The following TNRC6C variants were observed in gnomAD, a reference collection of about 807,000 sequenced individuals.
TNRC6C encodes the protein trinucleotide repeat-containing gene 6C protein.
TNRC6C carries 20 observed loss-of-function variants against 153.7 expected under a neutral mutation model. The ratio of observed to expected loss-of-function variants is 0.13; its 90% CI spans 0.09 to 0.19. The LOEUF is 0.19. TNRC6C is among the 10% of genes least tolerant of loss of function. TNRC6C has a pLI of 1.00. For missense variants in TNRC6C, 1,987 were observed against 2,172.0 expected (o/e 0.91, Z 1.69); for synonymous variants, 811 against 841.4 (o/e 0.96, Z 0.63).
Position 78,049,703 on chromosome 17 carries a change from T to TG in TNRC6C, c.646dup (p.Ala216GlyfsTer14). The stretch of plus-strand genomic sequence containing the variant: ...CCAAACTGGGGCATGGCTGTTGGTA[T>TG]GGGGGCCATCATCCCGCCCCACCTG... On this transcript the variant is annotated frameshift_variant, in exon 3 of 20. Transcript: ENST00000301624. LOFTEE classifies it high-confidence loss of function. The surrounding 1 kb of genome is among the most constrained non-coding windows in gnomAD (Gnocchi z 4.1). 6.2e-7 allele frequency: 1 copy of TG among 1,605,028 alleles called. No individual in the cohort carries two copies. Among genetic ancestry groups the TG allele is most frequent in the Non-Finnish European group, 8.5e-7 (1 of 1,173,992 alleles).
rs16970685 is a variant in TNRC6C at position 77,965,352 on chromosome 17, G to A, written c.-38+6084G>A. 2.1e-3 allele frequency among the ~76,000 whole-genome samples: 316 copies of A among 152,300 alleles called. 4 individuals are homozygous for A. The highest frequency in any genetic ancestry group is 6.9e-3 in the African/African-American group (287 of 41,564). ...TGACTGCCTTCTGAGCACTTTGTGT[G>A]TATGATCTCATTCATTTCTCCTCAG... On this transcript the variant is annotated intron_variant, in intron 1 of 22. Transcript: ENST00000636222.
chr17:77,994,343 C>T (rs1250717780), intron 1 of TNRC6C, among the ~76,000 whole-genome samples: 1 of 152,196 alleles, frequency 6.6e-6, no homozygotes, highest in Non-Finnish European at 1.5e-5. Flanking sequence ...ATGGTGGTAT[C>T]ATCTCTTTTT....
chr17:78,007,517 A>G (rs2071542643), intron 1 of TNRC6C, among the ~76,000 whole-genome samples: 1 of 152,198 alleles, frequency 6.6e-6, no homozygotes, highest in South Asian at 2.1e-4. Flanking sequence ...TACATGTTAT[A>G]GTACTAGTAT....
chr17:78,050,408 G>C, exon 3 of TNRC6C: 1 of 1,614,012 alleles, frequency 6.2e-7, no homozygotes. Flanking sequence ...AATACTGGTT[G>C]GGGACAGACT....
chr17:78,077,416 A>G (rs765678612), intron 9 of TNRC6C, 82 bp downstream of exon 11: 24 of 1,500,330 alleles, frequency 1.6e-5, no homozygotes, highest in Non-Finnish European at 2.1e-5. Context: ...AAACTTACTT[A>G]TTTATAGTTA....
chr17:78,072,426 A>G, intron 6 of TNRC6C, among the ~76,000 whole-genome samples: 1 of 152,378 alleles, frequency 6.6e-6, no homozygotes, highest in South Asian at 2.1e-4. Context: ...AGTGACTGAC[A>G]TAGTTGCTGG....
intron 1 of TNRC6C, among the ~76,000 whole-genome samples, chr17:77,966,722 T>C (rs1017837557): frequency 6.6e-6 from 1 of 152,198 alleles, no homozygotes; most frequent in Non-Finnish European, 1.5e-5. Context: ...TGATGAGCCA[T>C]GTAATAATAG....
At chr17:78,058,378 C>T (rs1319710136) in intron 3 of TNRC6C, among the ~76,000 whole-genome samples, 1 of 152,198 alleles carries the variant, frequency 6.6e-6, no homozygotes, top group Non-Finnish European at 1.5e-5. Context: ...AACCAACTTG[C>T]AGACACACAA....
Position 78,049,016 on chromosome 17 carries a change from C to G in TNRC6C, c.-47C>G, listed in dbSNP as rs1482204114. On this transcript the variant is annotated 5_prime_UTR_variant, in exon 3 of 20. Transcript: ENST00000301624. The surrounding 1 kb of genome is among the most constrained non-coding windows in gnomAD (Gnocchi z 4.1). ...GAGACTGAATCTGCCTCAGAATGTA[C>G]TACAGACACTGACTCTGCCTCCAAC... 6.8e-7 allele frequency: 1 copy of G among 1,460,990 alleles called. No individual in the cohort carries two copies. 90.5% of individuals were successfully genotyped at this position (1,460,990 alleles called of 1,614,324 possible). A position where few individuals can be genotyped will look rare whatever the true frequency, so the allele number is the denominator to read the frequency against.
chr17:77,965,219 A>G (rs988545660), intron 1 of TNRC6C, among the ~76,000 whole-genome samples: 1 of 152,216 alleles, frequency 6.6e-6, no homozygotes, highest in Admixed American at 6.5e-5. Context: ...TTTAAACTCA[A>G]TACACTTCAA....
exon 14 of TNRC6C, chr17:78,091,449 A>T: frequency 6.3e-7 from 1 of 1,594,216 alleles, no homozygotes; most frequent in Non-Finnish European, 8.5e-7. Flanking sequence ...GCTGGACTGA[A>T]CCCAAACATG....
At chr17:78,077,155 A>C (rs773074224) in intron 8 of TNRC6C, 30 bp from the exon 11 acceptor site, 2 of 1,590,468 alleles carry the variant, frequency 1.3e-6, no homozygotes, top group East Asian at 4.5e-5. Context: ...TGGACACTGC[A>C]CACAGCTCAC....
intron 1 of TNRC6C, among the ~76,000 whole-genome samples, chr17:78,028,963 C>G (rs546805113): frequency 6.6e-6 from 1 of 152,178 alleles, no homozygotes; most frequent in Non-Finnish European, 1.5e-5. Context: ...AATTACTACT[C>G]GAATCACTGT....
At chr17:78,013,391 A>G (rs1427990907) in intron 1 of TNRC6C, among the ~76,000 whole-genome samples, 1 of 152,220 alleles carries the variant, frequency 6.6e-6, no homozygotes, top group East Asian at 1.9e-4. Flanking sequence ...CCAGCTTACT[A>G]GCTAAGTGGC....
chr17:78,072,960 G>T, intron 6 of TNRC6C, 77 bp from the exon 9 acceptor site: 1 of 1,055,316 alleles, frequency 9.5e-7, no homozygotes, highest in South Asian at 1.4e-5. Flanking sequence ...TCTTTAAGTT[G>T]ATAGTGATTA....
rs539662994 is a variant in TNRC6C at position 77,995,196 on chromosome 17, C to T, written c.-37-8974C>T. 2.0e-5 allele frequency among the ~76,000 whole-genome samples: 3 copies of T among 152,350 alleles called. No individual in the cohort carries two copies. In the South Asian group the frequency reaches 6.2e-4, roughly 32 times the overall value. ...GGAACATCCAGTGAGAGATCACAGC[C>T]ATGGCTCACGGGGTGGCAGAGAAGT... On this transcript the variant is annotated intron_variant, in intron 1 of 22. Coordinates refer to the TNRC6C transcript ENST00000636222.
At chr17:77,972,368 T>G (rs2070946360) in intron 1 of TNRC6C, among the ~76,000 whole-genome samples, 1 of 151,930 alleles carries the variant, frequency 6.6e-6, no homozygotes, top group Non-Finnish European at 1.5e-5. Context: ...AAAAATTAGC[T>G]GGGCATGATG....
At chr17:78,064,608 C>G (rs2072835303) in intron 3 of TNRC6C, 114 bp from the exon 6 acceptor site, 2 of 983,732 alleles carry the variant, frequency 2.0e-6, no homozygotes, top group Non-Finnish European at 3.0e-6. Flanking sequence ...CTACTAAAGG[C>G]TATTCTAAGG....
upstream of TNRC6C, among the ~76,000 whole-genome samples, chr17:77,959,016 A>T (rs926154851): frequency 1.4e-5 from 2 of 141,862 alleles, no homozygotes; most frequent in Non-Finnish European, 3.1e-5. Flanking sequence ...CGTGAGGAGG[A>T]GGACGCGTCG....
Sources: gnomAD v4.1 joint callset for allele counts (sites outside exome capture counted in the v4.1 genomes callset) on GRCh38, gnomAD v4.1.1 for gene constraint, Gnocchi (gnomAD v3.1) non-coding constraint, MANE v1.5 for transcripts, NCBI Gene and HGNC (gene_info 2026-07-23, HGNC 2026-07-21) for gene names.